IFNLR1: variants seen among roughly 807,000 people sequenced by gnomAD.
IFNLR1 encodes CRF2-12.
In IFNLR1, 28 loss-of-function variants were observed where a neutral mutation model predicts 52.5. The ratio of observed to expected loss-of-function variants is 0.53; its 90% confidence interval spans 0.40 to 0.73. The LOEUF (loss-of-function observed/expected upper bound fraction) is 0.73. Ranked by LOEUF, IFNLR1 falls within the 30% of genes least tolerant of loss-of-function variation. The probability of loss-of-function intolerance (pLI) is 0.00; values close to 1 mark genes in which losing one functional copy is unlikely to be tolerated. For missense variants in IFNLR1, 623 were observed against 659.1 expected, an observed-to-expected ratio of 0.95 and a Z score of 0.60; for synonymous variants, 276 against 274.9, an observed-to-expected ratio of 1.00 and a Z score of -0.04.
At position 24,162,789 on chromosome 1, in the gene IFNLR1, T is replaced by TTTTTC. The variant is rs1557643988; in HGVS notation, c.368-1106_368-1105insGAAAA. On this transcript the variant is annotated intron_variant, in intron 3 of 6. Coordinates refer to ENST00000327535, the MANE Select transcript of IFNLR1 (RefSeq NM_170743.4). ...CTTTCTTTCTTTCTTTTTCTTTCTTTTTCTTTCTTTCTTTTTTCTTTCTTT... is the reference window on the plus strand; with the variant it reads ...CTTTCTTTCTTTCTTTTTCTTTCTTTTTTTCTTCTTTCTTTCTTTTTTCTTTCTTT... 8.2e-4 allele frequency among the ~76,000 whole-genome samples: 65 copies of TTTTTC among 79,146 alleles called. 10 individuals are homozygous for TTTTTC. Among genetic ancestry groups the TTTTTC allele is most frequent in the Middle Eastern group, 6.8e-3 (1 of 146 alleles). 51.9% of individuals were successfully genotyped at this position (79,146 alleles called of 152,430 possible). A position where few individuals can be genotyped will look rare whatever the true frequency, so the allele number is the denominator to read the frequency against.
chr1:24,162,862 T>TC (rs1491044108), intron 3 of IFNLR1, among the ~76,000 whole-genome samples: 2 of 85,114 alleles, frequency 2.3e-5, no homozygotes, highest in African/African-American at 5.0e-5. Flanking sequence ...TTTCTTTCTT[T>TC]CTTTCTTTCT....
intron 3 of IFNLR1, among the ~76,000 whole-genome samples, chr1:24,162,423 A>G (rs1037088767): frequency 2.6e-5 from 4 of 152,172 alleles, no homozygotes; most frequent in African/African-American, 4.8e-5. Context: ...TTAAAGGCTC[A>G]TGGGATTAGA....
intron 2 of IFNLR1, among the ~76,000 whole-genome samples, chr1:24,175,542 G>A (rs1007695104): frequency 6.6e-6 from 1 of 152,218 alleles, no homozygotes; most frequent in Non-Finnish European, 1.5e-5. Context: ...CATAAGTGGA[G>A]AGGAATTTGG....
intron 2 of IFNLR1, among the ~76,000 whole-genome samples, chr1:24,179,553 C>G (rs1644667728): frequency 6.6e-6 from 1 of 152,230 alleles, no homozygotes; most frequent in African/African-American, 2.4e-5. Context: ...GGATTCCACA[C>G]ATGGAAGGAT....
At chr1:24,163,771 G>T (rs2148590948) in intron 3 of IFNLR1, among the ~76,000 whole-genome samples, 1 of 152,162 alleles carries the variant, frequency 6.6e-6, no homozygotes, top group African/African-American at 2.4e-5. Flanking sequence ...TAGAGATGGG[G>T]TTTCTCCATG....
At chr1:24,181,284 T>C (rs6683433) in intron 1 of IFNLR1, among the ~76,000 whole-genome samples, 63,936 of 152,120 alleles carry the variant, frequency 0.42, 14,792 homozygotes, top group African/African-American at 0.61. Flanking sequence ...ACCGGTCTCC[T>C]TGCTTCCAAC....
intron 1 of IFNLR1, among the ~76,000 whole-genome samples, chr1:24,185,133 C>T (rs977443551): frequency 4.6e-5 from 7 of 152,116 alleles, no homozygotes; most frequent in African/African-American, 9.7e-5. Flanking sequence ...ATCCTCATTA[C>T]ATCCCTAGGA....
rs752630747 is a variant in IFNLR1, at chr1:24,159,129, T to G, written c.724A>C (p.Ile242Leu). The part of the protein sequence containing the change: ...LPSLLILLLV[I>L]AAGGVIWKTL... ...TTCCAGATCACACCCCCTGCGGCAA[T>G]TACTAACAGCAGTATCAGAAGCGAT... The change falls in exon 6 of 7, where the codon ATT becomes CTT. Residue 242 changes from isoleucine (I) to leucine (L), a missense_variant. Ile to Leu is a conservative substitution (Grantham distance 5, BLOSUM62 2). Coordinates refer to ENST00000327535, the MANE Select transcript of IFNLR1 (RefSeq NM_170743.4). 6.2e-7 allele frequency: 1 copy of G among 1,614,060 alleles called. No homozygotes were observed. The highest frequency in any genetic ancestry group is 8.5e-7 in the Non-Finnish European group (1 of 1,180,002).
At chr1:24,176,002 G>A (rs1003922877) in intron 2 of IFNLR1, among the ~76,000 whole-genome samples, 5 of 151,790 alleles carry the variant, frequency 3.3e-5, no homozygotes, top group African/African-American at 9.7e-5. Context: ...ATATGAAAAG[G>A]ACACAAATTT....
chr1:24,172,262 GA>G (rs1644588714), intron 2 of IFNLR1, among the ~76,000 whole-genome samples: 1 of 152,082 alleles, frequency 6.6e-6, no homozygotes, highest in Non-Finnish European at 1.5e-5. Context: ...ACTTATAATA[GA>G]AAATAAGAAA....
intron 1 of IFNLR1, among the ~76,000 whole-genome samples, chr1:24,184,211 A>G (rs563773754): frequency 6.6e-5 from 10 of 152,198 alleles, no homozygotes; most frequent in African/African-American, 2.2e-4. Flanking sequence ...CTGCCTTAAC[A>G]GTTCTGCCCC....
intron 2 of IFNLR1, among the ~76,000 whole-genome samples, chr1:24,170,561 T>C (rs1178305464): frequency 2.6e-5 from 4 of 152,194 alleles, no homozygotes; most frequent in Admixed American, 1.3e-4. Context: ...GGTTTCACCA[T>C]GTCGGCCAGG....
intron 3 of IFNLR1, among the ~76,000 whole-genome samples, chr1:24,163,948 G>C (rs1313913110): frequency 1.3e-5 from 2 of 152,038 alleles, no homozygotes; most frequent in Non-Finnish European, 2.9e-5. Flanking sequence ...TCTCATTACA[G>C]CATCAACTCA....
rs978627338 is a variant in IFNLR1 at position 24,157,863 on chromosome 1, G to A, written c.830C>T (p.Ala277Val). Reference protein sequence around the residue: ...LDFSGHTHPVATFQPSRPESV... With the variant: ...LDFSGHTHPVVTFQPSRPESV... ...CTCTGGTCTGCTGGGCTGAAAGGTT[G>A]CCACAGGGTGTGTGTGTCCAGAAAA... Residue 277 changes from alanine to valine, a missense_variant, in exon 7 of 7, where the codon GCA becomes GTA. Transcript: ENST00000327535. This position sits in a 1 kb window ranked among gnomAD's most constrained non-coding sequence, Gnocchi z 5.1. 6.2e-7 allele frequency: 1 copy of A among 1,605,218 alleles called. No individual in the cohort carries two copies. Among genetic ancestry groups the A allele is most frequent in the African/African-American group, 1.3e-5 (1 of 74,560 alleles).
In IFNLR1 at chr1:24,184,372, C is replaced by A. The variant is rs187644107; in HGVS notation, c.58+2819G>T. 3.2e-3 allele frequency among the ~76,000 whole-genome samples: 487 copies of A among 152,292 alleles called. 2 individuals carry two copies. Among genetic ancestry groups the A allele is most frequent in the African/African-American group, 0.01 (422 of 41,566 alleles). On this transcript the variant is annotated intron_variant, in intron 1 of 6. Coordinates refer to ENST00000327535, the MANE Select transcript of IFNLR1 (RefSeq NM_170743.4). ...CTGTTAATCTTCATCTTCTGAAATA[C>A]GCATCTGATTACACCACTCCCCAGT...
At chr1:24,161,726 C>T (rs771904503) in intron 3 of IFNLR1, 42 bp from the exon 4 acceptor site, 15 of 1,448,748 alleles carry the variant, frequency 1.0e-5, no homozygotes, top group Middle Eastern at 2.3e-4. Flanking sequence ...CCCGAGGGGC[C>T]GCACTGCCTC....
intron 2 of IFNLR1, among the ~76,000 whole-genome samples, chr1:24,172,853 T>C (rs1466932376): frequency 2.0e-5 from 3 of 152,272 alleles, no homozygotes; most frequent in Non-Finnish European, 4.4e-5. Flanking sequence ...CTCCTTGGCT[T>C]GCAGATGGCC....
At chr1:24,160,291 A>T (rs979719908) in intron 4 of IFNLR1, among the ~76,000 whole-genome samples, 2 of 152,210 alleles carry the variant, frequency 1.3e-5, no homozygotes, top group African/African-American at 4.8e-5. Context: ...ACTACTGAGT[A>T]TGTGAAATGC....
intron 3 of IFNLR1, among the ~76,000 whole-genome samples, chr1:24,162,876 T>TTTCCTTCCTTCCTTCCTTCC (rs752104875): frequency 8.4e-4 from 19 of 22,582 alleles, no homozygotes; most frequent in African/African-American, 3.0e-3. Flanking sequence ...TCTTTCTTTC[T>TTTCCTTCCTTCCTTCCTTCC]TTCCTTCCTT....
Sources: gnomAD v4.1 joint callset for allele counts (sites outside exome capture counted in the v4.1 genomes callset) on GRCh38, gnomAD v4.1.1 for gene constraint, Gnocchi (gnomAD v3.1) non-coding constraint, MANE v1.5 for transcripts, NCBI Gene and HGNC (gene_info 2026-07-23, HGNC 2026-07-21) for gene names.